Variants in BMP1 observed in about 807,000 individuals in gnomAD.
BMP1 encodes the protein bone morphogenetic protein 1.
BMP1 carries 63 observed loss-of-function variants against 116.8 expected under a neutral mutation model. The ratio of observed to expected loss-of-function variants is 0.54; its 90% CI spans 0.44 to 0.67. The LOEUF (loss-of-function observed/expected upper bound fraction) is 0.67. Ranked by LOEUF, BMP1 falls within the 30% of genes least tolerant of loss-of-function variation. BMP1 has a pLI of 0.00. For synonymous variants in BMP1, 536 were observed against 533.4 expected, an observed-to-expected ratio of 1.00 and a Z score of -0.07; for missense variants, 1,183 against 1,358.9, an observed-to-expected ratio of 0.87 and a Z score of 2.04.
At position 22,205,051 on chromosome 8, in the gene BMP1, G is replaced by A. The variant is rs534471019; in HGVS notation, c.2234-1803G>A. 4.7e-4 allele frequency among the ~76,000 whole-genome samples: 72 copies of A among 152,272 alleles called. 1 individual carries two copies. The highest frequency in any genetic ancestry group is 4.3e-3 in the Admixed American group (66 of 15,292). ...GGCAGTCCATCCTGACGGGGAGGAG[G>A]GACACTTGCTCTGAGGCTTCAGGGC... On this transcript the variant is annotated intron_variant, in intron 16 of 19. Transcript: ENST00000306385.
intron 19 of BMP1, among the ~76,000 whole-genome samples, chr8:22,211,329 G>A (rs937564763): frequency 1.3e-5 from 2 of 151,752 alleles, no homozygotes; most frequent in Non-Finnish European, 2.9e-5. Flanking sequence ...CCCAGAGATG[G>A]GAGGTGGCTT....
chr8:22,195,502 G>A lies in BMP1; in HGVS notation c.1680G>A (p.Glu560=). 6.2e-7 allele frequency: 1 copy of A among 1,612,428 alleles called. No homozygotes were observed. The highest frequency in any genetic ancestry group is 8.5e-7 in the Non-Finnish European group (1 of 1,179,682). Residue 560 remains glutamate (E), a synonymous_variant, in exon 13 of 20, where the codon GAG becomes GAA. Transcript: ENST00000306385. The stretch of plus-strand genomic sequence containing the variant: ...CTCGGCCCAACCGCGGGGGCTGTGA[G>A]CAGCGGTGCCTCAACACCCTGGGCA... ...ECSRPNRGGC[E]QRCLNTLGSY...
At chr8:22,187,900 A>C (rs1196081952) in intron 8 of BMP1, among the ~76,000 whole-genome samples, 7 of 152,194 alleles carry the variant, frequency 4.6e-5, no homozygotes, top group Non-Finnish European at 1.0e-4. Context: ...CCCTCTTAGA[A>C]ATAAGGACAC....
chr8:22,201,161 GC>G, intron 15 of BMP1: 1 of 1,579,020 alleles, frequency 6.3e-7, no homozygotes, highest in Non-Finnish European at 8.6e-7. Context: ...GCCCCCACCA[GC>G]TCAAATTCCG....
chr8:22,165,481 G>C lies in BMP1; in HGVS notation c.76G>C (p.Ala26Pro), dbSNP rs778082841. 6.3e-7 allele frequency: 1 copy of C among 1,589,582 alleles called. No homozygotes were observed. The highest frequency in any genetic ancestry group is 8.5e-7 in the Non-Finnish European group (1 of 1,170,670). Reference protein sequence around the residue: ...LPRPGRPLDLADYTYDLAEED... With the variant: ...LPRPGRPLDLPDYTYDLAEED... ...GCGTCCCGGCCGGCCGCTGGACTTG[G>C]CCGACTACACCTATGACCTGGCGGA... The change falls in exon 1 of 20, where the codon GCC becomes CCC. Residue 26 changes from alanine (A) to proline (P), a missense_variant. Ala to Pro is a conservative substitution (Grantham distance 27). Around this residue, in one of 4 missense-constraint regions of BMP1, gnomAD observed 185 missense variants for 158.9 expected, o/e 1.16. Coordinates refer to ENST00000306385, the MANE Select transcript of BMP1 (RefSeq NM_006129.5).
intron 13 of BMP1, among the ~76,000 whole-genome samples, 169 bp downstream of exon 13, chr8:22,195,756 C>T (rs1829066896): frequency 6.6e-6 from 1 of 152,108 alleles, no homozygotes; most frequent in African/African-American, 2.4e-5. Context: ...AAGCAATCCT[C>T]CCACCTCAGC....
chr8:22,191,958 G>A (rs897940350), intron 8 of BMP1, 91 bp from the exon 9 acceptor site: 20 of 1,198,216 alleles, frequency 1.7e-5, no homozygotes, highest in African/African-American at 7.5e-5. Context: ...GACCTGCCTC[G>A]CGTAAGGCGG....
intron 4 of BMP1, 126 bp from the exon 5 acceptor site, chr8:22,176,835 G>A (rs893523803): frequency 2.1e-6 from 2 of 969,214 alleles, no homozygotes; most frequent in East Asian, 2.6e-5. Context: ...CTGGGCACTC[G>A]GTGCTCAGGG....
At chr8:22,165,878 C>CGTGTGTGTGTGT (rs1432185239) in intron 1 of BMP1, among the ~76,000 whole-genome samples, 3 of 67,712 alleles carry the variant, frequency 4.4e-5, no homozygotes, top group Non-Finnish European at 7.0e-5. Flanking sequence ...AACTCCTGTG[C>CGTGTGTGTGTGT]GTGCGTGTGT....
rs540945335 is a variant in BMP1 at position 22,210,341 on chromosome 8, G to C, written c.2826+646G>C. ...GTGGGGAGGATTTATTTTCCTCCCT[G>C]TAAGAGCTTGCAGCTGCCTCTTCTT... is the stretch of plus-strand genomic sequence containing the variant. On this transcript the variant is annotated intron_variant, in intron 19 of 19. Transcript: ENST00000306385. 1.1e-3 allele frequency among the ~76,000 whole-genome samples: 170 copies of C among 148,852 alleles called. 1 individual carries two copies. In the Middle Eastern group the frequency reaches 0.014, roughly 12 times the overall value.
In BMP1 at chr8:22,201,856, A is replaced by T. The variant is rs777793027; in HGVS notation, c.2161A>T (p.Thr721Ser). ...CGGCTGCCAGCAGGACTGCGTCAACACGTTCGGCAGTTATGAGTGCCAATG... is the reference window on the plus strand; with the variant it reads ...CGGCTGCCAGCAGGACTGCGTCAACTCGTTCGGCAGTTATGAGTGCCAATG... ...NGGCQQDCVN[T>S]FGSYECQCRS... The change falls in exon 16 of 20, where the codon ACG (threonine) becomes TCG (serine). Residue 721 changes from threonine (T) to serine (S), a missense_variant. Around this residue, in one of 4 missense-constraint regions of BMP1, gnomAD observed 956 missense variants for 1,135.2 expected, o/e 0.84. Transcript: ENST00000306385. The T allele has an allele frequency of 1.2e-6, 2 of 1,613,798 alleles. No individual in the cohort carries two copies. Among genetic ancestry groups the T allele is most frequent in the South Asian group, 2.2e-5 (2 of 91,062 alleles).
At chr8:22,191,578 G>C (rs1260329714) in intron 8 of BMP1, among the ~76,000 whole-genome samples, 2 of 152,324 alleles carry the variant, frequency 1.3e-5, no homozygotes, top group East Asian at 3.9e-4. Context: ...ACTCCAGCCT[G>C]GGTGACAAAG....
In BMP1 at chr8:22,194,753, C is replaced by T. The variant is rs1370494406; in HGVS notation, c.1473C>T (p.Asp491=). Residue 491 remains aspartate (D), a synonymous_variant, in exon 12 of 20, where the codon GAC becomes GAT. Transcript: ENST00000306385. The surrounding 1 kb of genome is among the most constrained non-coding windows in gnomAD (Gnocchi z 4.5). ...EIERHDSCAY[D]YLEVRDGHSE... ...AGCGCCACGACAGCTGTGCCTACGA[C>T]TATCTGGAGGTGCGCGACGGGCACA... 2 of 1,611,532 alleles carry T rather than the reference C, an allele frequency of 1.2e-6. No individual in the cohort carries two copies. The highest frequency in any genetic ancestry group is 2.2e-5 in the South Asian group (2 of 90,730).
intron 16 of BMP1, among the ~76,000 whole-genome samples, chr8:22,205,282 A>G (rs922973128): frequency 6.6e-6 from 1 of 152,128 alleles, no homozygotes. Flanking sequence ...TCCAAAGAGT[A>G]TCAAGTGGTC....
Position 22,194,353 on chromosome 8 carries a change from G to T in BMP1, c.1298-92G>T. On this transcript the variant is annotated intron_variant, in intron 10 of 19. Coordinates refer to ENST00000306385, the MANE Select transcript of BMP1 (RefSeq NM_006129.5). This position sits in a 1 kb window ranked among gnomAD's most constrained non-coding sequence, Gnocchi z 4.5. ...GGGAACTGAAAAGCTGGGGGACATG[G>T]GAGGGACTGGAGGAGTGGGGAAAAG... is the stretch of plus-strand genomic sequence containing the variant. The T allele has an allele frequency of 6.5e-7, 1 of 1,536,670 alleles. No homozygotes were observed. Among genetic ancestry groups the T allele is most frequent in the East Asian group, 2.3e-5 (1 of 43,994 alleles).
At chr8:22,206,825 A>G (rs767379571) in intron 16 of BMP1, 29 bp from the exon 17 acceptor site, 1 of 1,613,848 alleles carries the variant, frequency 6.2e-7, no homozygotes, top group Non-Finnish European at 8.5e-7. Context: ...GTCCCTCTCT[A>G]TCCCCTTCCG....
chr8:22,187,400 C>T (rs943252021), intron 8 of BMP1, among the ~76,000 whole-genome samples: 1 of 151,222 alleles, frequency 6.6e-6, no homozygotes, highest in Non-Finnish European at 1.5e-5. Flanking sequence ...GGCATGATCT[C>T]GGCTCACTGC....
intron 8 of BMP1, among the ~76,000 whole-genome samples, chr8:22,189,474 T>A (rs887125393): frequency 2.1e-4 from 30 of 145,348 alleles, no homozygotes; most frequent in East Asian, 8.1e-4. Flanking sequence ...ATCTTATATA[T>A]TATATAATAT....
chr8:22,199,457 C>G, intron 15 of BMP1: 2 of 1,195,882 alleles, frequency 1.7e-6, no homozygotes, highest in Non-Finnish European at 1.1e-6. Flanking sequence ...CCTGCTCCCC[C>G]CAGCTCCCAG....
Sources: gnomAD v4.1 joint callset for allele counts (sites outside exome capture counted in the v4.1 genomes callset) on GRCh38, gnomAD v4.1.1 for gene constraint, gnomAD v4.1.1 regional missense constraint, Gnocchi (gnomAD v3.1) non-coding constraint, MANE v1.5 for transcripts, NCBI Gene and HGNC (gene_info 2026-07-23, HGNC 2026-07-21) for gene names.